The following PNKD variants were observed in gnomAD, a reference collection of about 807,000 sequenced individuals.
PNKD encodes PNKD metallo-beta-lactamase domain containing.
PNKD carries 36 observed loss-of-function variants against 45.3 expected under a neutral mutation model. The ratio of observed to expected loss-of-function variants is 0.80; its 90% CI spans 0.61 to 1.05. PNKD has a LOEUF of 1.05. PNKD is among the 50% of genes least tolerant of loss of function. The pLI, the probability that PNKD is intolerant of heterozygous loss-of-function variation, is 0.00. For missense variants in PNKD, 511 were observed against 506.6 expected (o/e 1.01, Z -0.08); for synonymous variants, 197 against 210.1 (o/e 0.94, Z 0.54).
At chr2:218,276,185 G>A (rs1351086689) in intron 2 of PNKD, 1 of 1,219,874 alleles carries the variant, frequency 8.2e-7, no homozygotes, top group Non-Finnish European at 1.2e-6. Context: ...GTAGAGCTGG[G>A]AAGCTAGCTC....
chr2:218,277,250 G>A, intron 2 of PNKD: 1 of 1,168,416 alleles, frequency 8.6e-7, no homozygotes, highest in Non-Finnish European at 1.3e-6. Context: ...CAGTTTTGTA[G>A]GTGCGGATGA....
Position 218,334,729 on chromosome 2 carries a change from G to A in PNKD, c.237-5054G>A, listed in dbSNP as rs1271809814. 4 of 702,802 alleles carry A rather than the reference G, an allele frequency of 5.7e-6. No individual in the cohort carries two copies. In the South Asian group the frequency reaches 5.9e-5, roughly 10 times the overall value. 43.5% of individuals were successfully genotyped at this position (702,802 alleles called of 1,614,324 possible). A position where few individuals can be genotyped will look rare whatever the true frequency, so the allele number is the denominator to read the frequency against. On this transcript the variant is annotated intron_variant, in intron 2 of 9. Transcript: ENST00000273077. Reference sequence around the variant, plus strand: ...TGCCCTCCTCAGTGCATCATACCAAGAGGCAAATGATGTCTATATATTGTT... The same window carrying A: ...TGCCCTCCTCAGTGCATCATACCAAAAGGCAAATGATGTCTATATATTGTT...
intron 2 of PNKD, chr2:218,327,724 T>G (rs907118653): frequency 6.5e-6 from 1 of 153,008 alleles, no homozygotes; most frequent in African/African-American, 2.4e-5. Context: ...GAGCTGTTCC[T>G]GCACTTCTGT....
chr2:218,296,725 C>G (rs755324451), intron 2 of PNKD, among the ~76,000 whole-genome samples: 2 of 152,090 alleles, frequency 1.3e-5, no homozygotes, highest in African/African-American at 4.8e-5. Flanking sequence ...GTCACCACGG[C>G]TGGGGTGCAG....
intron 1 of PNKD, chr2:218,271,157 A>G (rs1574615563): frequency 3.3e-6 from 2 of 597,438 alleles, no homozygotes; most frequent in East Asian, 5.7e-5. Flanking sequence ...TCCTGGCACC[A>G]GGGTGATGAG....
chr2:218,330,106 G>A (rs1030623775), intron 2 of PNKD, among the ~76,000 whole-genome samples: 2 of 152,204 alleles, frequency 1.3e-5, no homozygotes, highest in Admixed American at 6.5e-5. Context: ...TTTAAGGGGT[G>A]TAGGAGGAAG....
At chr2:218,300,551 CTTT>C (rs60503613) in intron 2 of PNKD, among the ~76,000 whole-genome samples, 1 of 143,994 alleles carries the variant, frequency 6.9e-6, no homozygotes, top group African/African-American at 2.6e-5. Flanking sequence ...CTTTTCTTTT[CTTT>C]TTTTTTTTTG....
chr2:218,297,216 T>C (rs1217003229), intron 2 of PNKD, among the ~76,000 whole-genome samples: 1 of 152,142 alleles, frequency 6.6e-6, no homozygotes, highest in Admixed American at 6.5e-5. Context: ...AGGGGTGGGG[T>C]ATGGGGGCTC....
intron 2 of PNKD, among the ~76,000 whole-genome samples, chr2:218,278,872 A>G (rs1691548527): frequency 6.6e-6 from 1 of 152,094 alleles, no homozygotes; most frequent in Admixed American, 6.6e-5. Flanking sequence ...GGGGTCTGCT[A>G]CTCATCTGGG....
chr2:218,294,982 G>T (rs1182017785), intron 2 of PNKD, among the ~76,000 whole-genome samples: 1 of 152,138 alleles, frequency 6.6e-6, no homozygotes. Context: ...CACCAGGATG[G>T]TTAATATCCA....
intron 2 of PNKD, among the ~76,000 whole-genome samples, chr2:218,317,406 C>G (rs964204875): frequency 4.6e-5 from 7 of 152,138 alleles, no homozygotes; most frequent in African/African-American, 1.7e-4. Flanking sequence ...TACCTGATGG[C>G]AGGAATCAGG....
intron 2 of PNKD, among the ~76,000 whole-genome samples, chr2:218,298,913 C>T (rs1033243419): frequency 6.6e-6 from 1 of 152,104 alleles, no homozygotes; most frequent in African/African-American, 2.4e-5. Flanking sequence ...ACAGCGATTT[C>T]CTCTTATTCC....
chr2:218,320,417 T>C (rs1288986848), intron 2 of PNKD, among the ~76,000 whole-genome samples: 1 of 152,200 alleles, frequency 6.6e-6, no homozygotes, highest in Admixed American at 6.5e-5. Flanking sequence ...TTTGAAAATA[T>C]GCAGGCCAGT....
At chr2:218,292,844 A>G (rs556546074) in intron 2 of PNKD, among the ~76,000 whole-genome samples, 33 of 152,306 alleles carry the variant, frequency 2.2e-4, no homozygotes, top group African/African-American at 7.2e-4. Flanking sequence ...TTGTTTTTCT[A>G]CAGTGGGGTA....
intron 2 of PNKD, among the ~76,000 whole-genome samples, chr2:218,273,465 AT>A (rs1268199721): frequency 1.2e-5 from 1 of 82,798 alleles, no homozygotes; most frequent in South Asian, 3.6e-4. Context: ...TTTTTTTTGG[AT>A]TTTTTTTTAC....
At chr2:218,279,003 C>T in intron 2 of PNKD, 1 of 1,612,964 alleles carries the variant, frequency 6.2e-7, no homozygotes, top group African/African-American at 1.3e-5. Flanking sequence ...GCCACCCCTG[C>T]CTCCCTGCCC....
intron 2 of PNKD, among the ~76,000 whole-genome samples, chr2:218,289,646 A>AAC (rs1692805418): frequency 6.7e-6 from 1 of 150,242 alleles, no homozygotes; most frequent in Non-Finnish European, 1.5e-5. Flanking sequence ...AAAAAAAAAA[A>AAC]CTGAAAGATC....
chr2:218,338,196 C>T (rs746579911), intron 2 of PNKD, among the ~76,000 whole-genome samples: 2 of 152,110 alleles, frequency 1.3e-5, no homozygotes, highest in South Asian at 4.1e-4. Context: ...CACAGTGGCT[C>T]ACACCTGTAA....
intron 2 of PNKD, chr2:218,280,006 C>T (rs779105828): frequency 1.9e-6 from 3 of 1,608,972 alleles, no homozygotes; most frequent in Admixed American, 1.7e-5. Flanking sequence ...GGTACACCCA[C>T]CTCCCAGCGC....
Sources: gnomAD v4.1 joint callset for allele counts (sites outside exome capture counted in the v4.1 genomes callset) on GRCh38, gnomAD v4.1.1 for gene constraint, MANE v1.5 for transcripts, NCBI Gene and HGNC (gene_info 2026-07-23, HGNC 2026-07-21) for gene names.